PLBD1: variants seen among roughly 807,000 people sequenced by gnomAD.
PLBD1 encodes the protein phospholipase B domain containing 1, also known as lysosomal leucine aminopeptidase.
In PLBD1, 60 loss-of-function variants were observed where a neutral mutation model predicts 63.0. That is an observed-to-expected ratio of 0.95 (90% CI 0.77 to 1.18). The LOEUF (loss-of-function observed/expected upper bound fraction) is 1.18, where lower values mean the gene tolerates loss of function less well. Among genes scored for constraint, PLBD1 ranks in the 50% most tolerant of loss-of-function variants. The pLI is 0.00. For synonymous variants in PLBD1, 262 were observed against 248.0 expected (o/e 1.06, Z -0.53); for missense variants, 598 against 677.9 (o/e 0.88, Z 1.31).
chr12:14,512,498 A>C (rs1231598673), intron 6 of PLBD1, among the ~76,000 whole-genome samples: 1 of 152,182 alleles, frequency 6.6e-6, no homozygotes, highest in Non-Finnish European at 1.5e-5. Flanking sequence ...TAGAAAAGTA[A>C]AGATGGTTTT....
At chr12:14,541,301 G>A (rs538664463) in intron 3 of PLBD1, among the ~76,000 whole-genome samples, 1 of 152,250 alleles carries the variant, frequency 6.6e-6, no homozygotes, top group African/African-American at 2.4e-5. Flanking sequence ...GTTAAACAAC[G>A]GGACAAAAAT....
chr12:14,565,483 A>G (rs1247776543), intron 1 of PLBD1, among the ~76,000 whole-genome samples: 1 of 152,046 alleles, frequency 6.6e-6, no homozygotes, highest in Non-Finnish European at 1.5e-5. Context: ...AAAAAAAAAA[A>G]AAAGTAAAAT....
chr12:14,529,428 A>G (rs1945442271), intron 6 of PLBD1, among the ~76,000 whole-genome samples: 1 of 152,140 alleles, frequency 6.6e-6, no homozygotes, highest in South Asian at 2.1e-4. Flanking sequence ...ACAGAGAATA[A>G]CACATCATGA....
intron 6 of PLBD1, among the ~76,000 whole-genome samples, chr12:14,514,083 C>A (rs577033783): frequency 6.6e-6 from 1 of 152,084 alleles, no homozygotes; most frequent in African/African-American, 2.4e-5. Flanking sequence ...CCGGCCCCAA[C>A]TAACTCTTAA....
In PLBD1 at chr12:14,567,594, G is replaced by A; in HGVS notation, c.103C>T (p.Pro35Ser). Residue 35 changes from proline (P) to serine (S), a missense_variant, in exon 1 of 11, where the codon CCG (proline) becomes TCG (serine). Pro to Ser is a moderately conservative substitution (Grantham distance 74, BLOSUM62 -1). Coordinates refer to ENST00000240617, the MANE Select transcript of PLBD1 (RefSeq NM_024829.6). The part of the protein sequence containing the change: ...LPLLLVTAEP[P>S]KPAGVYYATA... ...GCGCTCTGCTCACCTGCAGGTTTCG[G>A]CGGCTCCGCGGTGACTAACAACAGC... is the stretch of plus-strand genomic sequence containing the variant. 1.3e-6 allele frequency: 2 copies of A among 1,500,878 alleles called. No individual in the cohort carries two copies. Among genetic ancestry groups the A allele is most frequent in the Non-Finnish European group, 1.8e-6 (2 of 1,133,100 alleles). 93.0% of individuals were successfully genotyped at this position (1,500,878 alleles called of 1,614,324 possible).
intron 1 of PLBD1, among the ~76,000 whole-genome samples, chr12:14,567,040 A>G (rs1592014000): frequency 6.6e-6 from 1 of 152,032 alleles, no homozygotes; most frequent in African/African-American, 2.4e-5. Flanking sequence ...AGTTGCAGTG[A>G]GCCGAGATCA....
intron 10 of PLBD1, among the ~76,000 whole-genome samples, chr12:14,505,396 A>G (rs1176135497): frequency 6.6e-6 from 1 of 152,226 alleles, no homozygotes; most frequent in East Asian, 1.9e-4. Context: ...AGGATGTAGT[A>G]GCATGATTCC....
intron 1 of PLBD1, among the ~76,000 whole-genome samples, chr12:14,561,792 G>T (rs1027018562): frequency 6.6e-6 from 1 of 152,150 alleles, no homozygotes; most frequent in Admixed American, 6.5e-5. Flanking sequence ...TCAACCTAAG[G>T]TGATCTGCCT....
chr12:14,546,868 T>C (rs1945620443), intron 2 of PLBD1, among the ~76,000 whole-genome samples: 1 of 152,036 alleles, frequency 6.6e-6, no homozygotes, highest in African/African-American at 2.4e-5. Context: ...ATTTTTCTTC[T>C]GGTTTCTTTT....
At chr12:14,520,184 C>G (rs74439732) in intron 6 of PLBD1, among the ~76,000 whole-genome samples, 1,657 of 152,298 alleles carry the variant, frequency 0.011, 21 homozygotes, top group African/African-American at 0.038. Context: ...ATATGCAGCT[C>G]AAATTCCTCA....
chr12:14,561,529 A>G (rs1945742042), intron 1 of PLBD1, among the ~76,000 whole-genome samples: 1 of 152,088 alleles, frequency 6.6e-6, no homozygotes, highest in Non-Finnish European at 1.5e-5. Flanking sequence ...ACAATGCTTT[A>G]TGGATTACGT....
intron 6 of PLBD1, among the ~76,000 whole-genome samples, chr12:14,516,243 C>T (rs1351174888): frequency 2.6e-5 from 4 of 152,072 alleles, no homozygotes; most frequent in African/African-American, 4.8e-5. Context: ...GTAGGGGATT[C>T]GCTTGAACCC....
In PLBD1 at chr12:14,567,640, C is replaced by CAGA; in HGVS notation, c.54_56dup (p.Leu25dup). On this transcript the variant is annotated inframe_insertion, in exon 1 of 11. Coordinates refer to ENST00000240617, the MANE Select transcript of PLBD1 (RefSeq NM_024829.6). ...ACAGCGGCAGCAGCAGCAGCAGCAG[C>CAGA]AGAAGCGGTGGCGGCTGTGGCAGCC... 1 of 1,476,714 alleles carries CAGA rather than the reference C, an allele frequency of 6.8e-7. No individual in the cohort carries two copies. Among genetic ancestry groups the CAGA allele is most frequent in the Non-Finnish European group, 8.9e-7 (1 of 1,122,600 alleles). The allele number at this position is 1,476,714 out of a possible 1,614,324, so 91.5% of individuals were successfully genotyped here.
intron 10 of PLBD1, among the ~76,000 whole-genome samples, chr12:14,504,311 A>G (rs1945232183): frequency 6.6e-6 from 1 of 152,098 alleles, no homozygotes; most frequent in Admixed American, 6.6e-5. Flanking sequence ...CAGCCTCCCA[A>G]AGTGCTGGGA....
In PLBD1 at chr12:14,551,245, C is replaced by G. The variant is rs181401935; in HGVS notation, c.335+1948G>C. On this transcript the variant is annotated intron_variant, in intron 2 of 10. Transcript: ENST00000240617. ...GGGTATGGTGGCGCGTACCTGTAGTCCCAGCTACTAGGGAGGCTGAAGCTC... is the reference window on the plus strand; with the variant it reads ...GGGTATGGTGGCGCGTACCTGTAGTGCCAGCTACTAGGGAGGCTGAAGCTC... Among the ~76,000 whole-genome samples, 12 of 151,950 alleles carry G rather than the reference C, an allele frequency of 7.9e-5. No homozygotes were observed. In the East Asian group the frequency reaches 2.3e-3, roughly 30 times the overall value.
intron 6 of PLBD1, among the ~76,000 whole-genome samples, chr12:14,517,984 C>T (rs753215121): frequency 8.5e-5 from 13 of 152,256 alleles, no homozygotes; most frequent in Non-Finnish European, 7.4e-5. Flanking sequence ...AGTTCGAGAC[C>T]AGCCTGGCCA....
intron 1 of PLBD1, among the ~76,000 whole-genome samples, chr12:14,556,989 CAAAAAAA>C (rs71038607): frequency 1.3e-5 from 1 of 76,302 alleles, no homozygotes; most frequent in Non-Finnish European, 2.3e-5. Flanking sequence ...AATTCCCTCT[CAAAAAAA>C]AAAAAAAAAA....
chr12:14,517,497 TA>T (rs909306967), intron 6 of PLBD1, among the ~76,000 whole-genome samples: 191 of 145,254 alleles, frequency 1.3e-3, no homozygotes, highest in Middle Eastern at 0.011. Context: ...GCATCATTTC[TA>T]AAAAAAAAAA....
intron 1 of PLBD1, among the ~76,000 whole-genome samples, chr12:14,557,037 T>C (rs1027766421): frequency 1.6e-5 from 2 of 128,118 alleles, no homozygotes; most frequent in Non-Finnish European, 3.4e-5. Flanking sequence ...TTCAAAATAA[T>C]ACATACATGT....
Sources: gnomAD v4.1 joint callset for allele counts (sites outside exome capture counted in the v4.1 genomes callset) on GRCh38, gnomAD v4.1.1 for gene constraint, MANE v1.5 for transcripts, NCBI Gene and HGNC (gene_info 2026-07-23, HGNC 2026-07-21) for gene names.